LHFPL3: variants seen among roughly 807,000 people sequenced by gnomAD.
The protein encoded by LHFPL3 is LHFPL tetraspan subfamily member 3 protein.
Under a neutral mutation model 19.3 loss-of-function variants are expected in LHFPL3, and 5 were observed. That is an observed-to-expected ratio of 0.26 (90% confidence interval 0.14 to 0.54). LHFPL3 has a LOEUF of 0.54. Ranked by LOEUF, LHFPL3 falls within the 20% of genes least tolerant of loss-of-function variation. The pLI, the probability that LHFPL3 is intolerant of heterozygous loss-of-function variation, is 0.94. For synonymous variants in LHFPL3, 133 were observed against 126.2 expected, an observed-to-expected ratio of 1.05 and a Z score of -0.36; for missense variants, 249 against 307.4, an observed-to-expected ratio of 0.81 and a Z score of 1.42.
chr7:104,409,936 G>A (rs532354611), intron 1 of LHFPL3, among the ~76,000 whole-genome samples: 6 of 151,918 alleles, frequency 3.9e-5, no homozygotes, highest in Middle Eastern at 3.4e-3. Flanking sequence ...AGCAATGCAC[G>A]AGATTGTTAC....
intron 1 of LHFPL3, among the ~76,000 whole-genome samples, chr7:104,603,122 CTTT>C (rs1562947507): frequency 0.011 from 1,287 of 119,748 alleles, 15 homozygotes; most frequent in African/African-American, 0.038. Context: ...TTCTTTCTTT[CTTT>C]CTTTCTTTTT....
intron 1 of LHFPL3, among the ~76,000 whole-genome samples, chr7:104,465,573 A>G (rs1291030279): frequency 6.6e-6 from 1 of 152,222 alleles, no homozygotes; most frequent in East Asian, 1.9e-4. Flanking sequence ...AAAGGGAAGC[A>G]AGCACTTCCT....
chr7:104,871,452 T>C (rs183463826), intron 2 of LHFPL3, among the ~76,000 whole-genome samples: 89 of 152,346 alleles, frequency 5.8e-4, no homozygotes, highest in African/African-American at 2.1e-3. Context: ...CCTAGGATGT[T>C]ACTGTACACT....
At chr7:104,559,363 T>C (rs1309914952) in intron 1 of LHFPL3, among the ~76,000 whole-genome samples, 8 of 150,676 alleles carry the variant, frequency 5.3e-5, no homozygotes, top group Non-Finnish European at 1.0e-4. Flanking sequence ...CGTTGAGCAG[T>C]GGTTTGTAGT....
chr7:104,526,561 A>G (rs1794191279), intron 1 of LHFPL3, among the ~76,000 whole-genome samples: 2 of 152,232 alleles, frequency 1.3e-5, no homozygotes, highest in African/African-American at 4.8e-5. Flanking sequence ...GCCCACGGCA[A>G]TCTCCATTGC....
At chr7:104,856,842 G>C (rs1350973871) in intron 2 of LHFPL3, among the ~76,000 whole-genome samples, 1 of 152,114 alleles carries the variant, frequency 6.6e-6, no homozygotes, top group African/African-American at 2.4e-5. Flanking sequence ...TACTGTGCTA[G>C]GTTCTGTACA....
intron 1 of LHFPL3, among the ~76,000 whole-genome samples, chr7:104,594,000 T>A (rs562661204): frequency 6.6e-6 from 1 of 152,194 alleles, no homozygotes; most frequent in Non-Finnish European, 1.5e-5. Flanking sequence ...AGTTTGCCAC[T>A]GTGTATCTTT....
chr7:104,759,367 A>AT (rs368619799), intron 2 of LHFPL3, among the ~76,000 whole-genome samples: 229 of 151,148 alleles, frequency 1.5e-3, no homozygotes, highest in African/African-American at 5.1e-3. Context: ...CACAGTTTAA[A>AT]TTTTTTTTTA....
At chr7:104,845,203 C>A (rs1033978893) in intron 2 of LHFPL3, among the ~76,000 whole-genome samples, 3 of 152,216 alleles carry the variant, frequency 2.0e-5, no homozygotes, top group African/African-American at 7.2e-5. Flanking sequence ...ATGAACCAGG[C>A]AGTCTGGCTC....
chr7:104,665,913 T>C (rs1792326363), intron 1 of LHFPL3, among the ~76,000 whole-genome samples: 1 of 152,108 alleles, frequency 6.6e-6, no homozygotes, highest in Non-Finnish European at 1.5e-5. Flanking sequence ...TTCTGTCTCT[T>C]ACTACGCAGT....
At chr7:104,545,889 T>C (rs6962209) in intron 1 of LHFPL3, among the ~76,000 whole-genome samples, 94,974 of 152,006 alleles carry the variant, frequency 0.62, 29,921 homozygotes, top group Middle Eastern at 0.71. Flanking sequence ...CATTGCACAA[T>C]AGTCAAGCAT....
chr7:104,436,366 G>T (rs6957611), intron 1 of LHFPL3, among the ~76,000 whole-genome samples: 7 of 151,798 alleles, frequency 4.6e-5, no homozygotes, highest in Admixed American at 4.6e-4. Flanking sequence ...CTTGCTTTTC[G>T]TGGAAAGAAA....
intron 1 of LHFPL3, among the ~76,000 whole-genome samples, chr7:104,704,785 A>G (rs1793163053): frequency 6.6e-6 from 1 of 151,980 alleles, no homozygotes; most frequent in Non-Finnish European, 1.5e-5. Context: ...ACAAGCATGC[A>G]CCACCATGCT....
intron 1 of LHFPL3, among the ~76,000 whole-genome samples, chr7:104,420,734 AT>A (rs1208736593): frequency 2.7e-5 from 4 of 149,850 alleles, no homozygotes; most frequent in South Asian, 2.1e-4. Flanking sequence ...TAATTTTTGT[AT>A]TTTTTTTTAG....
At chr7:104,415,152 T>A (rs1478859340) in intron 1 of LHFPL3, among the ~76,000 whole-genome samples, 1 of 152,194 alleles carries the variant, frequency 6.6e-6, no homozygotes, top group Non-Finnish European at 1.5e-5. Flanking sequence ...AAACGATTCT[T>A]AATCCTATAT....
chr7:104,436,670 G>A (rs1325881469), intron 1 of LHFPL3, among the ~76,000 whole-genome samples: 3 of 152,196 alleles, frequency 2.0e-5, no homozygotes, highest in African/African-American at 4.8e-5. Context: ...ACATCTATAT[G>A]AGGAAGGGCA....
At chr7:104,790,258 C>T (rs1488856730) in intron 2 of LHFPL3, among the ~76,000 whole-genome samples, 6 of 152,108 alleles carry the variant, frequency 3.9e-5, no homozygotes, top group Admixed American at 3.9e-4. Flanking sequence ...GCAATTTTCC[C>T]CAAAAATTCC....
intron 2 of LHFPL3, among the ~76,000 whole-genome samples, chr7:104,815,125 G>A (rs1790540667): frequency 6.6e-6 from 1 of 152,262 alleles, no homozygotes; most frequent in Admixed American, 6.5e-5. Flanking sequence ...GGATGCATGG[G>A]TCCATAGCCA....
chr7:104,661,600 G>T (rs1358826520), intron 1 of LHFPL3, among the ~76,000 whole-genome samples: 1 of 152,160 alleles, frequency 6.6e-6, no homozygotes, highest in Admixed American at 6.5e-5. Flanking sequence ...AATCTGATGT[G>T]TTTCCTTCAT....
Sources: allele counts gnomAD v4.1 joint callset (sites outside exome capture counted in the v4.1 genomes callset), GRCh38; gene constraint gnomAD v4.1.1; transcripts MANE v1.5; gene names NCBI Gene and HGNC (gene_info 2026-07-23, HGNC 2026-07-21).